The following CSMD2 variants were observed in gnomAD, a reference collection of about 807,000 sequenced individuals.
CSMD2 encodes the protein CUB and Sushi multiple domains 2, also known as CUB and sushi domain-containing protein 2.
In CSMD2, 130 loss-of-function variants were observed where a neutral mutation model predicts 398.5. The ratio of observed to expected loss-of-function variants is 0.33; its 90% CI spans 0.28 to 0.38. The LOEUF (loss-of-function observed/expected upper bound fraction) is 0.38, where lower values mean the gene tolerates loss of function less well. CSMD2 is among the 10% of genes least tolerant of loss of function. The probability of loss-of-function intolerance (pLI) is 1.00; values close to 1 mark genes in which losing one functional copy is unlikely to be tolerated. For missense variants in CSMD2, 3,829 were observed against 4,764.9 expected, an observed-to-expected ratio of 0.80 and a Z score of 5.78; for synonymous variants, 1,828 against 1,908.5, an observed-to-expected ratio of 0.96 and a Z score of 1.10.
At chr1:33,743,740 C>T (rs966208125) in intron 13 of CSMD2, 134 bp from the exon 14 acceptor site, 7 of 675,206 alleles carry the variant, frequency 1.0e-5, no homozygotes, top group Non-Finnish European at 1.7e-5. Flanking sequence ...TTGGGCTGGA[C>T]TGGCTGGGCT....
chr1:33,750,180 A>G (rs1296856849), intron 13 of CSMD2, among the ~76,000 whole-genome samples: 1 of 152,198 alleles, frequency 6.6e-6, no homozygotes, highest in African/African-American at 2.4e-5. Flanking sequence ...GTCCTAAATC[A>G]TGGTACAAAT....
chr1:33,763,933 G>A (rs1316266700), intron 13 of CSMD2, among the ~76,000 whole-genome samples: 4 of 152,066 alleles, frequency 2.6e-5, no homozygotes, highest in Admixed American at 6.6e-5. Flanking sequence ...CAAGGACTGG[G>A]CTTCTATTCT....
chr1:33,833,691 A>G (rs1333333955), intron 6 of CSMD2, among the ~76,000 whole-genome samples: 1 of 151,428 alleles, frequency 6.6e-6, no homozygotes, highest in Non-Finnish European at 1.5e-5. Context: ...GTATTCAATT[A>G]GGAAAAGAGG....
chr1:34,153,028 T>C (rs1410785561), intron 1 of CSMD2, among the ~76,000 whole-genome samples: 2 of 152,210 alleles, frequency 1.3e-5, no homozygotes, highest in Non-Finnish European at 2.9e-5. Context: ...TTTTTAATTT[T>C]TTTTTGGAGA....
chr1:33,787,459 G>A (rs1557892829), intron 12 of CSMD2, among the ~76,000 whole-genome samples: 2 of 152,160 alleles, frequency 1.3e-5, no homozygotes, highest in Non-Finnish European at 2.9e-5. Flanking sequence ...TCATTCTGAG[G>A]ACTTTAGGCT....
In CSMD2 at chr1:33,878,361, G is replaced by C. The variant is rs564656365; in HGVS notation, c.921-31365C>G. The C allele has an allele frequency of 6.6e-5, 10 of 152,408 alleles. No homozygotes were observed. In the South Asian group the frequency reaches 1.9e-3, roughly 28 times the overall value. The allele number at this position is 152,408 out of a possible 1,614,324, so 9.4% of individuals were successfully genotyped here. ...CAGACAGCATCACAGGTGAGTGGGAGACCCACATGTGGTCCATTCCAGACA... is the reference window on the plus strand; with the variant it reads ...CAGACAGCATCACAGGTGAGTGGGACACCCACATGTGGTCCATTCCAGACA... On this transcript the variant is annotated intron_variant, in intron 5 of 70. Coordinates refer to ENST00000373381, the MANE Select transcript of CSMD2 (RefSeq NM_001281956.2).
chr1:33,822,468 A>G (rs762475006), intron 7 of CSMD2, among the ~76,000 whole-genome samples: 41 of 152,182 alleles, frequency 2.7e-4, no homozygotes, highest in Middle Eastern at 3.2e-3. Context: ...GGATTTGGAC[A>G]GACTGTGTGC....
intron 1 of CSMD2, among the ~76,000 whole-genome samples, chr1:34,125,992 C>T (rs1662702066): frequency 6.6e-6 from 1 of 152,168 alleles, no homozygotes; most frequent in African/African-American, 2.4e-5. Flanking sequence ...TTGTGAAGCC[C>T]CAGCCTCACT....
intron 2 of CSMD2, among the ~76,000 whole-genome samples, chr1:34,039,564 AAC>A (rs776374279): frequency 4.1e-4 from 62 of 152,332 alleles, no homozygotes; most frequent in Non-Finnish European, 6.8e-4. Context: ...CTGAAAAGAT[AAC>A]ACAGTTTCCT....
chr1:33,946,421 C>T (rs1299406931), intron 3 of CSMD2, among the ~76,000 whole-genome samples: 1 of 152,210 alleles, frequency 6.6e-6, no homozygotes. Context: ...ACAAACATGT[C>T]TCCCACTGGA....
intron 3 of CSMD2, among the ~76,000 whole-genome samples, chr1:34,013,738 G>C (rs1281547511): frequency 1.3e-5 from 2 of 152,190 alleles, no homozygotes; most frequent in African/African-American, 4.8e-5. Flanking sequence ...CACAGGCAAA[G>C]GCAGCCTTGG....
chr1:33,583,221 G>A (rs1308406412), intron 47 of CSMD2, among the ~76,000 whole-genome samples: 1 of 152,202 alleles, frequency 6.6e-6, no homozygotes. Flanking sequence ...GGGTCCAGTG[G>A]TCTGAAGCAT....
chr1:33,993,455 C>T (rs1464548003), intron 3 of CSMD2, among the ~76,000 whole-genome samples: 2 of 152,034 alleles, frequency 1.3e-5, no homozygotes, highest in Admixed American at 1.3e-4. Flanking sequence ...TTTGGGAGTC[C>T]TCGGACTTGT....
chr1:33,823,991 C>T (rs1185808499), intron 7 of CSMD2, among the ~76,000 whole-genome samples: 3 of 152,068 alleles, frequency 2.0e-5, no homozygotes, highest in African/African-American at 7.2e-5. Flanking sequence ...CTCCTGAAGT[C>T]CTAGGTCAAC....
chr1:34,032,741 C>T, intron 2 of CSMD2, 35 bp from the exon 3 acceptor site: 1 of 1,455,928 alleles, frequency 6.9e-7, no homozygotes, highest in East Asian at 2.4e-5. Context: ...GGAGAATGAC[C>T]CCCTTGGGAA....
At chr1:33,601,074 G>A in intron 43 of CSMD2, 64 bp from the exon 44 acceptor site, 1 of 1,602,208 alleles carries the variant, frequency 6.2e-7, no homozygotes, top group Non-Finnish European at 8.5e-7. Context: ...TCCACTTGGT[G>A]CCATCAGTGG....
At chr1:33,962,079 A>G (rs1252703433) in intron 3 of CSMD2, among the ~76,000 whole-genome samples, 2 of 152,174 alleles carry the variant, frequency 1.3e-5, no homozygotes, top group Non-Finnish European at 2.9e-5. Flanking sequence ...TTTGGGATGG[A>G]TGGAATGGAA....
chr1:33,615,605 T>C (rs566630225), intron 39 of CSMD2, among the ~76,000 whole-genome samples: 3 of 152,154 alleles, frequency 2.0e-5, no homozygotes, highest in African/African-American at 4.8e-5. Flanking sequence ...ACCCTTCTAA[T>C]GGGGTTGTTG....
chr1:33,607,600 G>C (rs1182354010), intron 41 of CSMD2, among the ~76,000 whole-genome samples: 1 of 152,238 alleles, frequency 6.6e-6, no homozygotes, highest in African/African-American at 2.4e-5. Flanking sequence ...GGAATACTTA[G>C]GCCTCTGGCC....
Sources: gnomAD v4.1 joint callset for allele counts (sites outside exome capture counted in the v4.1 genomes callset) on GRCh38, gnomAD v4.1.1 for gene constraint, MANE v1.5 for transcripts, NCBI Gene and HGNC (gene_info 2026-07-23, HGNC 2026-07-21) for gene names.